MACF1: variants seen among roughly 807,000 people sequenced by gnomAD.
MACF1 encodes the protein microtubule actin crosslinking factor 1, also known as microtubule-actin cross-linking factor 1.
MACF1 carries 193 observed loss-of-function variants against 854.8 expected under a neutral mutation model. The ratio of observed to expected loss-of-function variants is 0.23; its 90% CI spans 0.20 to 0.25. The LOEUF is 0.25. MACF1 is among the 10% of genes least tolerant of loss of function. The pLI is 1.00. For synonymous variants in MACF1, 3,185 were observed against 3,226.7 expected (o/e 0.99, Z 0.44); for missense variants, 7,722 against 8,929.1 (o/e 0.86, Z 5.45).
At chr1:39,290,597 GTT>G (rs71060306) in intron 15 of MACF1, among the ~76,000 whole-genome samples, 70,446 of 118,534 alleles carry the variant, frequency 0.59, 19,999 homozygotes, top group African/African-American at 0.68. Context: ...GGGTAAATCT[GTT>G]TTTTTTTTTT....
At chr1:39,265,102 A>T (rs1452064818) in intron 6 of MACF1, among the ~76,000 whole-genome samples, 1 of 152,166 alleles carries the variant, frequency 6.6e-6, no homozygotes, top group African/African-American at 2.4e-5. Context: ...CAACCCTCAA[A>T]TGTTTGTTAA....
intron 2 of MACF1, among the ~76,000 whole-genome samples, chr1:39,093,923 C>T (rs1019984874): frequency 4.0e-5 from 6 of 151,714 alleles, no homozygotes; most frequent in Non-Finnish European, 7.4e-5. Context: ...GGATTACAGG[C>T]GTGCGCCACC....
At chr1:39,169,078 ATC>A (rs994894694) in intron 2 of MACF1, among the ~76,000 whole-genome samples, 7 of 152,084 alleles carry the variant, frequency 4.6e-5, no homozygotes, top group African/African-American at 1.4e-4. Flanking sequence ...CCCATTTTCA[ATC>A]TGTCATTGAG....
At chr1:39,275,340 C>T (rs1441750744) in intron 6 of MACF1, among the ~76,000 whole-genome samples, 1 of 152,070 alleles carries the variant, frequency 6.6e-6, no homozygotes, top group African/African-American at 2.4e-5. Context: ...CCTCTGCCTC[C>T]CAAAGTGCTG....
At chr1:39,171,146 C>T (rs1643942476) in intron 2 of MACF1, among the ~76,000 whole-genome samples, 1 of 151,502 alleles carries the variant, frequency 6.6e-6, no homozygotes. Flanking sequence ...GACGTTGGGA[C>T]TTGTCTGCGT....
intron 48 of MACF1, among the ~76,000 whole-genome samples, 156 bp from the exon 49 acceptor site, chr1:39,361,204 G>A (rs545114829): frequency 1.3e-5 from 2 of 152,310 alleles, no homozygotes; most frequent in African/African-American, 4.8e-5. Flanking sequence ...TGTGGTAGAA[G>A]GGGTGGAGAA....
At chr1:39,177,441 A>T (rs1213676698) in intron 2 of MACF1, among the ~76,000 whole-genome samples, 1 of 152,152 alleles carries the variant, frequency 6.6e-6, no homozygotes, top group African/African-American at 2.4e-5. Flanking sequence ...TTTCTATAGA[A>T]GGAGTTTTCC....
At chr1:39,203,224 G>T (rs1397532306), upstream of MACF1, among the ~76,000 whole-genome samples, 1 of 152,228 alleles carries the variant, frequency 6.6e-6, no homozygotes, top group African/African-American at 2.4e-5. Flanking sequence ...AGTAAACAGG[G>T]TCTCACTTTG....
At chr1:39,261,248 AAAT>A (rs1283573084) in intron 6 of MACF1, among the ~76,000 whole-genome samples, 1 of 152,192 alleles carries the variant, frequency 6.6e-6, no homozygotes, top group Non-Finnish European at 1.5e-5. Context: ...GTAGTTAGCT[AAAT>A]GTTTTAAAAC....
rs368399061 is a variant in MACF1, at chr1:39,340,566, A to G, written c.10280A>G (p.Gln3427Arg). 6.2e-7 allele frequency: 1 copy of G among 1,614,162 alleles called. No individual in the cohort carries two copies. The highest frequency in any genetic ancestry group is 2.2e-5 in the East Asian group (1 of 44,886). ...AGTCAGGAGCTGGAGTGTGTGAATC[A>G]GATTATCATCAGCCAGCCTCAAGAA... is the stretch of plus-strand genomic sequence containing the variant. ...LVSQELECVNQIIISQPQEVP... is the reference protein window; with the variant it reads ...LVSQELECVNRIIISQPQEVP... Residue 3427 changes from glutamine to arginine, a missense_variant, in exon 39 of 101, where the codon CAG becomes CGG. Around this residue, in one of 15 missense-constraint regions of MACF1, gnomAD observed 854 missense variants for 852.6 expected, o/e 1.00. Coordinates refer to ENST00000564288, the MANE Select transcript of MACF1 (RefSeq NM_001394062.1).
At chr1:39,287,256 C>T (rs761917301) in intron 14 of MACF1, 30 bp from the exon 15 acceptor site, 3 of 1,604,434 alleles carry the variant, frequency 1.9e-6, no homozygotes, top group South Asian at 2.2e-5. Context: ...AGATTTAAAT[C>T]CTTTCCTTTT....
chr1:39,190,761 G>A lies in MACF1; in HGVS notation c.221-40421G>A, dbSNP rs932601625. On this transcript the variant is annotated intron_variant, in intron 2 of 93. Transcript: ENST00000361689. ...TGTAATTCCAGCACTTTGGGAGGCC[G>A]AGGCAGGTGGATCACTTGAGGCCAG... is the stretch of plus-strand genomic sequence containing the variant. Among the ~76,000 whole-genome samples the A allele has an allele frequency of 1.2e-4, 19 of 152,182 alleles. No homozygotes were observed. In the East Asian group the frequency reaches 1.9e-3, roughly 15 times the overall value.
chr1:39,110,221 G>A (rs1438064140), intron 2 of MACF1, among the ~76,000 whole-genome samples: 1 of 138,376 alleles, frequency 7.2e-6, no homozygotes, highest in Non-Finnish European at 1.5e-5. Context: ...CTTTTTAGTG[G>A]ATGTTGTTCT....
At chr1:39,346,039 A>G (rs1189234469) in intron 40 of MACF1, among the ~76,000 whole-genome samples, 1 of 151,128 alleles carries the variant, frequency 6.6e-6, no homozygotes, top group Non-Finnish European at 1.5e-5. Context: ...ACTGCATTCC[A>G]GCCTGGGCAA....
intron 2 of MACF1, among the ~76,000 whole-genome samples, chr1:39,123,240 C>T (rs1235958234): frequency 7.5e-6 from 1 of 133,164 alleles, no homozygotes; most frequent in Non-Finnish European, 1.6e-5. Flanking sequence ...GAGAGTCTCG[C>T]TCTGTTGCCC....
At chr1:39,338,565 A>T (rs946521439) in intron 38 of MACF1, among the ~76,000 whole-genome samples, 3 of 152,206 alleles carry the variant, frequency 2.0e-5, no homozygotes, top group African/African-American at 7.2e-5. Context: ...TACTTCACAT[A>T]GCCTGGCAAC....
rs78620188 is a variant in MACF1 at position 39,135,671 on chromosome 1, A to G, written c.220+51233A>G. ...TGTCTCTCTGGGTTTTGCTTGCAAG[A>G]CCTATTTTGATAGGAGTCTGATGAA... On this transcript the variant is annotated intron_variant, in intron 2 of 93. Coordinates refer to the MACF1 transcript ENST00000361689. Among the ~76,000 whole-genome samples the G allele has an allele frequency of 7.5e-3, 1,146 of 152,204 alleles. 10 individuals carry two copies. Among genetic ancestry groups the G allele is most frequent in the Middle Eastern group, 0.017 (5 of 294 alleles).
chr1:39,144,476 A>T (rs181970077), intron 2 of MACF1, among the ~76,000 whole-genome samples: 93 of 152,294 alleles, frequency 6.1e-4, no homozygotes, highest in African/African-American at 2.2e-3. Flanking sequence ...GAAGTTATTG[A>T]TACTGCACCC....
chr1:39,414,067 A>C, intron 58 of MACF1: 1 of 1,599,806 alleles, frequency 6.3e-7, no homozygotes, highest in Non-Finnish European at 8.5e-7. Context: ...AGAGGAACTC[A>C]GTTCCCCAGC....
Sources: gnomAD v4.1 joint callset for allele counts (sites outside exome capture counted in the v4.1 genomes callset) on GRCh38, gnomAD v4.1.1 for gene constraint, gnomAD v4.1.1 regional missense constraint, MANE v1.5 for transcripts, NCBI Gene and HGNC (gene_info 2026-07-23, HGNC 2026-07-21) for gene names.